Variants in SFT2D1 observed in about 807,000 individuals in gnomAD.
SFT2D1 encodes the protein vesicle transport protein SFT2A.
A neutral mutation model predicts 28.1 loss-of-function variants in SFT2D1; 24 were observed. The observed-to-expected ratio is 0.85, with a 90% CI of 0.62 to 1.20. The LOEUF is 1.20. Among genes scored for constraint, SFT2D1 ranks in the 50% most tolerant of loss-of-function variants. SFT2D1 has a pLI of 0.00. For missense variants in SFT2D1, 181 were observed against 190.9 expected, an observed-to-expected ratio of 0.95 and a Z score of 0.31; for synonymous variants, 82 against 73.7, an observed-to-expected ratio of 1.11 and a Z score of -0.58.
intron 6 of SFT2D1, chr6:166,323,159 A>G (rs994448118): frequency 5.9e-6 from 2 of 341,328 alleles, no homozygotes; most frequent in African/African-American, 2.1e-5. Flanking sequence ...GGTGCATGCT[A>G]AAGTTTGAGC....
rs1327199671 is a variant in SFT2D1, at chr6:166,340,325, AGTCG to A, written c.63+2090_63+2093del. On this transcript the variant is annotated intron_variant, in intron 1 of 7. Transcript: ENST00000361731. ...TGCCAGAGTGATCCTTTAAAATCCA[AGTCG>A]GTCACACCACCACTCTGCTCTAAAC... 2.0e-5 allele frequency among the ~76,000 whole-genome samples: 3 copies of A among 152,344 alleles called. No homozygotes were observed. In the East Asian group the frequency reaches 5.8e-4, roughly 29 times the overall value.
At chr6:166,334,157 T>C (rs1001321858) in intron 1 of SFT2D1, among the ~76,000 whole-genome samples, 3 of 152,242 alleles carry the variant, frequency 2.0e-5, no homozygotes, top group South Asian at 2.1e-4. Flanking sequence ...TTCCAGCCTC[T>C]GTACACTCAT....
intron 1 of SFT2D1, chr6:166,335,548 A>T (rs1471808919): frequency 2.3e-6 from 1 of 432,390 alleles, no homozygotes; most frequent in Non-Finnish European, 4.4e-6. Flanking sequence ...CTGGCAGAAG[A>T]TTTTAACCCA....
At chr6:166,328,198 C>T (rs755459652) in intron 4 of SFT2D1, 78 bp downstream of exon 4, 13 of 749,474 alleles carry the variant, frequency 1.7e-5, no homozygotes, top group African/African-American at 3.7e-5. Flanking sequence ...AGTATACATA[C>T]ATAACAGGCA....
chr6:166,340,130 A>T lies in SFT2D1; in HGVS notation c.63+2289T>A, dbSNP rs146491170. Among the ~76,000 whole-genome samples the T allele has an allele frequency of 4.6e-5, 7 of 152,306 alleles. No individual in the cohort carries two copies. In the East Asian group the frequency reaches 1.2e-3, roughly 25 times the overall value. On this transcript the variant is annotated intron_variant, in intron 1 of 7. Coordinates refer to ENST00000361731, the MANE Select transcript of SFT2D1 (RefSeq NM_145169.3). ...GGCCTGCTGGCTGTACACTCAGACC[A>T]TTTACAGAATCTGACCACTTTTTTG...
chr6:166,324,783 T>G (rs1778414389), intron 5 of SFT2D1, 188 bp from the exon 6 acceptor site: 1 of 576,140 alleles, frequency 1.7e-6, no homozygotes, highest in East Asian at 2.9e-5. Context: ...ATTTCCTTTC[T>G]AAAACTATAT....
At chr6:166,322,998 G>GTACATGAGACT (rs1778385463) in intron 6 of SFT2D1, 112 bp from the exon 7 acceptor site, 2 of 824,676 alleles carry the variant, frequency 2.4e-6, no homozygotes, top group South Asian at 1.7e-5. Flanking sequence ...ACTGTACAGT[G>GTACATGAGACT]GTTCTCAAAG....
chr6:166,328,654 C>T (rs958694518), intron 3 of SFT2D1, among the ~76,000 whole-genome samples: 1 of 152,218 alleles, frequency 6.6e-6, no homozygotes, highest in African/African-American at 2.4e-5. Context: ...GGAGGAGAGG[C>T]TGCCTGGGGG....
chr6:166,329,616 A>T (rs755361681), intron 2 of SFT2D1, 27 bp from the exon 3 acceptor site: 2 of 1,531,844 alleles, frequency 1.3e-6, no homozygotes, highest in Admixed American at 1.9e-5. Context: ...TAGTTATTTT[A>T]AAATAATTTT....
intron 1 of SFT2D1, among the ~76,000 whole-genome samples, chr6:166,335,943 C>T (rs1209826191): frequency 6.6e-6 from 1 of 152,208 alleles, no homozygotes; most frequent in African/African-American, 2.4e-5. Flanking sequence ...GTATTTGTGA[C>T]TAATTTTATT....
chr6:166,334,776 G>C, intron 1 of SFT2D1: 1 of 399,966 alleles, frequency 2.5e-6, no homozygotes. Context: ...CCTGTATGCC[G>C]CTGTGAAGGA....
intron 1 of SFT2D1, among the ~76,000 whole-genome samples, chr6:166,337,796 T>C (rs1244155443): frequency 6.6e-6 from 1 of 152,186 alleles, no homozygotes; most frequent in Non-Finnish European, 1.5e-5. Context: ...AACAAGCAAA[T>C]GACTTGTCTC....
intron 2 of SFT2D1, among the ~76,000 whole-genome samples, chr6:166,329,935 A>AT (rs1475092416): frequency 3.3e-5 from 5 of 152,204 alleles, no homozygotes; most frequent in African/African-American, 9.6e-5. Flanking sequence ...CTTTTAACAC[A>AT]TTGATACATT....
chr6:166,322,711 A>AAAAAAAT, intron 7 of SFT2D1, 146 bp downstream of exon 7: 1 of 644,118 alleles, frequency 1.6e-6, no homozygotes, highest in Non-Finnish European at 2.6e-6. Context: ...AAAAAAAAAA[A>AAAAAAAT]GTATGTTTAT....
At chr6:166,328,448 G>C in intron 3 of SFT2D1, 91 bp from the exon 4 acceptor site, 1 of 716,354 alleles carries the variant, frequency 1.4e-6, no homozygotes, top group South Asian at 3.1e-5. Flanking sequence ...AAGAAGCCCT[G>C]TTGCTTTATT....
At chr6:166,338,813 T>C (rs1001747809) in intron 1 of SFT2D1, among the ~76,000 whole-genome samples, 1 of 152,070 alleles carries the variant, frequency 6.6e-6, no homozygotes, top group African/African-American at 2.4e-5. Context: ...AAGATCTGGC[T>C]CAATATCTCT....
At chr6:166,322,996 G>C (rs1778385329) in intron 6 of SFT2D1, 110 bp from the exon 7 acceptor site, 2 of 852,412 alleles carry the variant, frequency 2.3e-6, no homozygotes, top group South Asian at 1.6e-5. Context: ...AGACTGTACA[G>C]TGGTTCTCAA....
rs1272288135 is a variant in SFT2D1, at chr6:166,330,225, C to G, written c.86G>C (p.Ser29Thr). The change falls in exon 2 of 8, where the codon AGT becomes ACT. Residue 29 changes from serine to threonine, a missense_variant. Coordinates refer to ENST00000361731, the MANE Select transcript of SFT2D1 (RefSeq NM_145169.3). ...AAACCATTTCAATCTGGTGTTGAAACTAAGGGATGAGGCATCCAGGACCTT... is the reference window on the plus strand; with the variant it reads ...AAACCATTTCAATCTGGTGTTGAAAGTAAGGGATGAGGCATCCAGGACCTT... Reference protein sequence around the residue: ...TAQVLDASSLSFNTRLKWFAI... With the variant: ...TAQVLDASSLTFNTRLKWFAI... The G allele has an allele frequency of 6.2e-7, 1 of 1,604,424 alleles. No homozygotes were observed. Among genetic ancestry groups the G allele is most frequent in the Non-Finnish European group, 8.5e-7 (1 of 1,176,938 alleles).
chr6:166,320,542 A>T (rs1778332366), intron 7 of SFT2D1, among the ~76,000 whole-genome samples: 1 of 149,554 alleles, frequency 6.7e-6, no homozygotes, highest in Non-Finnish European at 1.5e-5. Context: ...CTAACAAAAG[A>T]TCTAACTTTT....
Sources: allele counts gnomAD v4.1 joint callset (sites outside exome capture counted in the v4.1 genomes callset), GRCh38; gene constraint gnomAD v4.1.1; transcripts MANE v1.5; gene names NCBI Gene and HGNC (gene_info 2026-07-23, HGNC 2026-07-21).